Variants in MARCHF1 observed in about 807,000 individuals in gnomAD.
The protein encoded by MARCHF1 is membrane associated ring-CH-type finger 1, also known as E3 ubiquitin-protein ligase MARCHF1.
In MARCHF1, 40 loss-of-function variants were observed where a neutral mutation model predicts 54.2. The ratio of observed to expected loss-of-function variants is 0.74; its 90% CI spans 0.57 to 0.96. The LOEUF (loss-of-function observed/expected upper bound fraction) is 0.96, where lower values mean the gene tolerates loss of function less well. MARCHF1 is among the 40% of genes least tolerant of loss of function. MARCHF1 has a pLI of 0.00. For missense variants in MARCHF1, 586 were observed against 656.5 expected (o/e 0.89, Z 1.17); for synonymous variants, 236 against 236.3 (o/e 1.00, Z 0.01).
At chr4:163,759,985 A>G (rs781584613) in intron 4 of MARCHF1, among the ~76,000 whole-genome samples, 2 of 152,242 alleles carry the variant, frequency 1.3e-5, no homozygotes, top group Admixed American at 6.5e-5. Flanking sequence ...AACTTGATGC[A>G]TTAAAACAAC....
chr4:163,641,013 TTC>T (rs1309435785), intron 5 of MARCHF1, among the ~76,000 whole-genome samples: 21 of 151,106 alleles, frequency 1.4e-4, no homozygotes, highest in African/African-American at 1.2e-4. Flanking sequence ...CACTTATAAA[TTC>T]TGTTTTTTTA....
At position 163,833,839 on chromosome 4, in the gene MARCHF1, T is replaced by A. The variant is rs1173466674; in HGVS notation, c.111+20182A>T. 2.0e-5 allele frequency among the ~76,000 whole-genome samples: 3 copies of A among 152,260 alleles called. No homozygotes were observed. The South Asian group carries it at 6.2e-4, about 32-fold the overall frequency. ...TTACTGTGGAATAATGAGTTTCAGT[T>A]TATTGTGCACACCCTTGTGTAACAT... On this transcript the variant is annotated intron_variant, in intron 4 of 9. Coordinates refer to ENST00000514618, the MANE Select transcript of MARCHF1 (RefSeq NM_001394959.1).
At chr4:163,661,557 C>T (rs990239784) in intron 5 of MARCHF1, among the ~76,000 whole-genome samples, 1 of 151,888 alleles carries the variant, frequency 6.6e-6, no homozygotes, top group Admixed American at 6.6e-5. Flanking sequence ...ATACAGATGT[C>T]AGTATCAGAG....
chr4:164,378,972 CA>C (rs1230468978), intron 1 of MARCHF1, among the ~76,000 whole-genome samples: 1 of 152,158 alleles, frequency 6.6e-6, no homozygotes, highest in Non-Finnish European at 1.5e-5. Flanking sequence ...CTAGGCCTCC[CA>C]AAGTGCTGGG....
chr4:163,671,725 A>ACT (rs1302483535), intron 5 of MARCHF1, among the ~76,000 whole-genome samples: 2 of 152,048 alleles, frequency 1.3e-5, no homozygotes, highest in Admixed American at 6.6e-5. Context: ...AATTTGCAAA[A>ACT]CTCTGAATGG....
At chr4:163,722,539 A>G (rs1481567131) in intron 4 of MARCHF1, among the ~76,000 whole-genome samples, 3 of 152,186 alleles carry the variant, frequency 2.0e-5, no homozygotes, top group African/African-American at 7.2e-5. Context: ...ATAGATGTCT[A>G]TTAGGTCCAC....
intron 1 of MARCHF1, among the ~76,000 whole-genome samples, chr4:164,343,249 C>T (rs1729979446): frequency 6.6e-6 from 1 of 151,972 alleles, no homozygotes; most frequent in African/African-American, 2.4e-5. Flanking sequence ...ACCTTGTACA[C>T]CTTAAATATA....
Position 163,600,137 on chromosome 4 carries a change from C to T in MARCHF1, c.1010+12134G>A, listed in dbSNP as rs762076040. On this transcript the variant is annotated intron_variant, in intron 7 of 9. Coordinates refer to ENST00000514618, the MANE Select transcript of MARCHF1 (RefSeq NM_001394959.1). ...CATATATATTTTTGCTGTATTTATACGCACACACATATATCTATTTATATA... is the reference window on the plus strand; with the variant it reads ...CATATATATTTTTGCTGTATTTATATGCACACACATATATCTATTTATATA... Among the ~76,000 whole-genome samples the T allele has an allele frequency of 7.2e-5, 11 of 151,908 alleles. No individual in the cohort carries two copies. The South Asian group carries it at 1.2e-3, about 17-fold the overall frequency.
chr4:163,689,013 C>T (rs1199915281), intron 5 of MARCHF1, among the ~76,000 whole-genome samples: 1 of 152,110 alleles, frequency 6.6e-6, no homozygotes, highest in Non-Finnish European at 1.5e-5. Context: ...GAATGAGTTC[C>T]ATCCCTAGCA....
Position 163,987,771 on chromosome 4 carries a change from A to G in MARCHF1, c.-39+730T>C, listed in dbSNP as rs569952354. On this transcript the variant is annotated intron_variant, in intron 3 of 9. Coordinates refer to ENST00000514618, the MANE Select transcript of MARCHF1 (RefSeq NM_001394959.1). ...AATATCCTTGACTGTGTTGAGTTCA[A>G]TCCCTTTCTTAAAAACCTTTGAAAT... Among the ~76,000 whole-genome samples, 4 of 152,342 alleles carry G rather than the reference A, an allele frequency of 2.6e-5. No homozygotes were observed. The East Asian group carries it at 7.7e-4, about 29-fold the overall frequency.
chr4:164,104,997 A>G (rs1477949248), intron 2 of MARCHF1, among the ~76,000 whole-genome samples: 1 of 50,056 alleles, frequency 2.0e-5, no homozygotes, highest in African/African-American at 4.7e-5. Context: ...CCAAATCATG[A>G]GTGAACTCCC....
At chr4:163,560,552 T>A (rs541094522) in intron 8 of MARCHF1, among the ~76,000 whole-genome samples, 1 of 152,300 alleles carries the variant, frequency 6.6e-6, no homozygotes, top group Non-Finnish European at 1.5e-5. Flanking sequence ...CAATTTATTT[T>A]AAAAATTCAT....
chr4:163,714,947 G>T (rs1258831356), intron 4 of MARCHF1, among the ~76,000 whole-genome samples: 1 of 152,142 alleles, frequency 6.6e-6, no homozygotes, highest in African/African-American at 2.4e-5. Context: ...CTCCCAAAGT[G>T]CTGAGATTAT....
chr4:163,857,022 A>ATAAG (rs1451624126), intron 3 of MARCHF1, among the ~76,000 whole-genome samples: 1 of 145,840 alleles, frequency 6.9e-6, no homozygotes, highest in Non-Finnish European at 1.5e-5. Flanking sequence ...CGAAAAATAA[A>ATAAG]TAAATAAATA....
intron 2 of MARCHF1, among the ~76,000 whole-genome samples, chr4:164,078,001 T>C (rs1394044406): frequency 1.3e-5 from 2 of 152,134 alleles, no homozygotes; most frequent in Non-Finnish European, 2.9e-5. Flanking sequence ...GAACCAGAAA[T>C]ACCATTTGAT....
In MARCHF1 at chr4:164,176,939, GCGCTCT is replaced by G. The variant is rs1423943654; in HGVS notation, c.-322-65283_-322-65278del. On this transcript the variant is annotated intron_variant, in intron 1 of 9. Transcript: ENST00000514618. ...TTTGTTATTTATCTGAGTACCTTGTGCGCTCTCTCTCTCTCTCTCTCTCTCTCTCTC... is the reference window on the plus strand; with the variant it reads ...TTTGTTATTTATCTGAGTACCTTGTGCTCTCTCTCTCTCTCTCTCTCTCTC... Among the ~76,000 whole-genome samples, 9 of 53,620 alleles carry G rather than the reference GCGCTCT, an allele frequency of 1.7e-4. 1 individual carries two copies. The highest frequency in any genetic ancestry group is 5.5e-4 in the African/African-American group (9 of 16,320). 35.2% of individuals were successfully genotyped at this position (53,620 alleles called of 152,430 possible).
intron 4 of MARCHF1, among the ~76,000 whole-genome samples, chr4:163,826,687 TATG>T (rs1336465441): frequency 1.3e-5 from 2 of 151,978 alleles, no homozygotes; most frequent in Non-Finnish European, 2.9e-5. Context: ...GATTATAAAA[TATG>T]ATGAATGCTG....
chr4:164,041,869 A>T (rs1019990836), intron 2 of MARCHF1, among the ~76,000 whole-genome samples: 1 of 152,170 alleles, frequency 6.6e-6, no homozygotes, highest in Admixed American at 6.6e-5. Flanking sequence ...TGTAGCTATC[A>T]TAGAACACTA....
chr4:164,210,696 G>A (rs1731738862), intron 1 of MARCHF1, among the ~76,000 whole-genome samples: 2 of 152,056 alleles, frequency 1.3e-5, no homozygotes, highest in African/African-American at 4.8e-5. Flanking sequence ...TTAAGAATTG[G>A]AGCCAGCAAA....
Sources: allele counts gnomAD v4.1 joint callset (sites outside exome capture counted in the v4.1 genomes callset), GRCh38; gene constraint gnomAD v4.1.1; transcripts MANE v1.5; gene names NCBI Gene and HGNC (gene_info 2026-07-23, HGNC 2026-07-21).